Variants in PRKN observed in about 807,000 individuals in gnomAD.
PRKN encodes the protein E3 ubiquitin-protein ligase parkin.
PRKN carries 56 observed loss-of-function variants against 59.5 expected under a neutral mutation model. That is an observed-to-expected ratio of 0.94 (90% CI 0.76 to 1.18). The LOEUF is 1.18. PRKN is among the 50% of genes most tolerant of loss of function. PRKN has a pLI of 0.00. For synonymous variants in PRKN, 250 were observed against 222.1 expected (o/e 1.13, Z -1.12); for missense variants, 657 against 596.4 (o/e 1.10, Z -1.06).
intron 2 of PRKN, among the ~76,000 whole-genome samples, chr6:162,320,940 A>T (rs932513887): frequency 6.6e-6 from 1 of 151,874 alleles, no homozygotes; most frequent in East Asian, 1.9e-4. Context: ...AAAGTTTCCA[A>T]TTGTCTTCAC....
At chr6:161,810,255 G>A (rs144629665) in intron 6 of PRKN, among the ~76,000 whole-genome samples, 541 of 152,310 alleles carry the variant, frequency 3.6e-3, no homozygotes, top group African/African-American at 0.012. Context: ...ATCTGCAAGC[G>A]AGGAAGAGAG....
chr6:162,445,373 G>C (rs763434068), intron 1 of PRKN, among the ~76,000 whole-genome samples: 24 of 151,924 alleles, frequency 1.6e-4, no homozygotes, highest in Non-Finnish European at 3.2e-4. Flanking sequence ...ACTAAAATAG[G>C]CTTCCTGAAA....
chr6:162,337,485 G>A (rs138095471), intron 2 of PRKN, among the ~76,000 whole-genome samples: 22 of 152,304 alleles, frequency 1.4e-4, no homozygotes, highest in Non-Finnish European at 1.8e-4. Flanking sequence ...CACTACATTA[G>A]CACGTAATAG....
intron 9 of PRKN, among the ~76,000 whole-genome samples, chr6:161,510,664 G>A (rs1460810298): frequency 1.3e-5 from 2 of 152,170 alleles, no homozygotes; most frequent in Admixed American, 1.3e-4. Flanking sequence ...ACCAGTCTGG[G>A]TATTAAGAGA....
intron 7 of PRKN, among the ~76,000 whole-genome samples, chr6:161,688,156 T>A (rs1176963151): frequency 6.6e-6 from 1 of 152,244 alleles, no homozygotes; most frequent in East Asian, 1.9e-4. Context: ...TGAATTAGAC[T>A]GGATCTTAAG....
At chr6:162,559,170 C>G (rs1321261060) in intron 1 of PRKN, among the ~76,000 whole-genome samples, 1 of 114,858 alleles carries the variant, frequency 8.7e-6, no homozygotes, top group Non-Finnish European at 1.8e-5. Flanking sequence ...AAAAAAAAGG[C>G]AATTGGTAAG....
intron 4 of PRKN, among the ~76,000 whole-genome samples, chr6:162,099,321 A>C (rs531238282): frequency 6.6e-6 from 1 of 152,206 alleles, no homozygotes; most frequent in Non-Finnish European, 1.5e-5. Context: ...TTCCTACATG[A>C]CTAGTTTTGT....
chr6:161,481,005 C>T (rs1300492703), intron 9 of PRKN, among the ~76,000 whole-genome samples: 4 of 152,190 alleles, frequency 2.6e-5, no homozygotes, highest in Non-Finnish European at 4.4e-5. Flanking sequence ...AAGCACGAGA[C>T]GCGGGCTCCA....
chr6:161,468,249 A>G lies in PRKN; in HGVS notation c.1083+80605T>C, dbSNP rs1302136554. On this transcript the variant is annotated intron_variant, in intron 9 of 11. Coordinates refer to ENST00000366898, the MANE Select transcript of PRKN (RefSeq NM_004562.3). This position sits in a 1 kb window ranked among gnomAD's most constrained non-coding sequence, Gnocchi z 5.9. ...CAACCTCCCAACGTGCTAGGATTAC[A>G]GGCATGAGCCGCCATGCCCAGCCTC... Among the ~76,000 whole-genome samples the G allele has an allele frequency of 1.3e-5, 2 of 152,176 alleles. No homozygotes were observed. The highest frequency in any genetic ancestry group is 2.9e-5 in the Non-Finnish European group (2 of 68,018).
intron 1 of PRKN, among the ~76,000 whole-genome samples, chr6:162,602,398 T>A (rs1781746994): frequency 2.0e-5 from 3 of 151,948 alleles, no homozygotes; most frequent in Admixed American, 1.3e-4. Flanking sequence ...GTGAGGGTAA[T>A]GAGGGGAGGC....
chr6:162,462,232 C>T (rs1037399507), intron 1 of PRKN, among the ~76,000 whole-genome samples: 2 of 152,094 alleles, frequency 1.3e-5, no homozygotes, highest in African/African-American at 2.4e-5. Context: ...CTGGCTATCA[C>T]AAAATTCAAA....
intron 10 of PRKN, among the ~76,000 whole-genome samples, chr6:161,384,892 C>T (rs1475510206): frequency 6.6e-6 from 1 of 152,232 alleles, no homozygotes; most frequent in Non-Finnish European, 1.5e-5. Flanking sequence ...CCCCCCATGG[C>T]TCCCCTATGA....
intron 4 of PRKN, among the ~76,000 whole-genome samples, chr6:162,181,556 C>T (rs1179304272): frequency 6.6e-6 from 1 of 152,070 alleles, no homozygotes. Flanking sequence ...TAAAGAGGGT[C>T]AGGCTTGGAC....
chr6:162,514,544 A>T (rs1777764610), intron 1 of PRKN, among the ~76,000 whole-genome samples: 1 of 152,220 alleles, frequency 6.6e-6, no homozygotes, highest in South Asian at 2.1e-4. Context: ...TTTAAGAAGC[A>T]AAAGTCTGGC....
chr6:162,523,470 GC>G (rs1461145906), intron 1 of PRKN, among the ~76,000 whole-genome samples: 1 of 152,060 alleles, frequency 6.6e-6, no homozygotes, highest in Non-Finnish European at 1.5e-5. Context: ...TCTGAGACCA[GC>G]CTGGCCAACA....
At chr6:162,403,247 C>G (rs1257094080) in intron 2 of PRKN, among the ~76,000 whole-genome samples, 1 of 152,084 alleles carries the variant, frequency 6.6e-6, no homozygotes, top group African/African-American at 2.4e-5. Flanking sequence ...ACTCTGGCCT[C>G]CAGCCTCTCC....
intron 9 of PRKN, among the ~76,000 whole-genome samples, chr6:161,534,111 A>G (rs16892736): frequency 0.089 from 13,528 of 151,846 alleles, 934 homozygotes; most frequent in African/African-American, 0.19. Context: ...TCCTTAACCC[A>G]CAGGGCCAGA....
chr6:162,103,220 G>A (rs1780052727), intron 4 of PRKN, among the ~76,000 whole-genome samples: 1 of 151,806 alleles, frequency 6.6e-6, no homozygotes, highest in Non-Finnish European at 1.5e-5. Flanking sequence ...AAAAAAAGCT[G>A]TTCAGTTTTG....
chr6:161,660,006 T>C (rs1231759210), intron 7 of PRKN, among the ~76,000 whole-genome samples: 2 of 152,146 alleles, frequency 1.3e-5, no homozygotes, highest in South Asian at 2.1e-4. Flanking sequence ...TTAAATGAGA[T>C]GATGTATCCG....
Sources: gnomAD v4.1 joint callset for allele counts (sites outside exome capture counted in the v4.1 genomes callset) on GRCh38, gnomAD v4.1.1 for gene constraint, Gnocchi (gnomAD v3.1) non-coding constraint, MANE v1.5 for transcripts, NCBI Gene and HGNC (gene_info 2026-07-23, HGNC 2026-07-21) for gene names.